SMARCE1: variants seen among roughly 807,000 people sequenced by gnomAD.
SMARCE1 encodes SWI/SNF-related matrix-associated actin-dependent regulator of chromatin subfamily E member 1.
SMARCE1 carries 13 observed loss-of-function variants against 54.9 expected under a neutral mutation model. The observed-to-expected ratio is 0.24, with a 90% CI of 0.15 to 0.38. SMARCE1 has a LOEUF of 0.38. SMARCE1 is among the 10% of genes least tolerant of loss of function. The pLI, the probability that SMARCE1 is intolerant of heterozygous loss-of-function variation, is 1.00. For synonymous variants in SMARCE1, 151 were observed against 175.3 expected, an observed-to-expected ratio of 0.86 and a Z score of 1.10; for missense variants, 295 against 523.8, an observed-to-expected ratio of 0.56 and a Z score of 4.26.
rs889948671 is a variant in SMARCE1, at chr17:40,637,656, A to C, written c.157-84T>G. On this transcript the variant is annotated intron_variant, in intron 4 of 10. Coordinates refer to ENST00000348513, the MANE Select transcript of SMARCE1 (RefSeq NM_003079.5). ...AAAGAGAGTCCCTTAAAAAATTCTA[A>C]TGCGCCTTTCTTCTATTCGTCCAAA... is the stretch of plus-strand genomic sequence containing the variant. 4.2e-5 allele frequency: 42 copies of C among 1,003,726 alleles called. No homozygotes were observed. In the African/African-American group the frequency reaches 6.1e-4, roughly 15 times the overall value. The allele number at this position is 1,003,726 out of a possible 1,614,324, so 62.2% of individuals were successfully genotyped here.
rs1009490092 is a variant in SMARCE1, at chr17:40,632,031, T to G, written c.714+164A>C. 8 of 587,842 alleles carry G rather than the reference T, an allele frequency of 1.4e-5. No homozygotes were observed. In the African/African-American group the frequency reaches 1.5e-4, roughly 11 times the overall value. The allele number at this position is 587,842 out of a possible 1,614,324, so 36.4% of individuals were successfully genotyped here. On this transcript the variant is annotated intron_variant, in intron 8 of 10. Coordinates refer to ENST00000348513, the MANE Select transcript of SMARCE1 (RefSeq NM_003079.5). Reference sequence around the variant, plus strand: ...ATTATAGTTTTTAATGACAAACTTATTAAACATCTGGGAAAGGTCCACTTC... The same window carrying G: ...ATTATAGTTTTTAATGACAAACTTAGTAAACATCTGGGAAAGGTCCACTTC...
At chr17:40,647,490 T>G (rs2037272025) in intron 1 of SMARCE1, 1 of 152,436 alleles carries the variant, frequency 6.6e-6, no homozygotes, top group African/African-American at 2.4e-5. Flanking sequence ...GCTCTCTTTG[T>G]CTTGGAGAAT....
rs1567849015 is a variant in SMARCE1 at position 40,642,801 on chromosome 17, T to C, written c.52-242A>G. On this transcript the variant is annotated intron_variant, in intron 3 of 10. Coordinates refer to ENST00000348513, the MANE Select transcript of SMARCE1 (RefSeq NM_003079.5). The surrounding 1 kb of genome is among the most constrained non-coding windows in gnomAD (Gnocchi z 4.6). ...TCTTTTTTGCAGGGGCTGGGGGTGT[T>C]TGTGTGACTGTGAATGTGTGTTTTG... 16 of 480,380 alleles carry C rather than the reference T, an allele frequency of 3.3e-5. No individual in the cohort carries two copies. In the South Asian group the frequency reaches 4.8e-4, roughly 14 times the overall value. The allele number at this position is 480,380 out of a possible 1,614,324, so 29.8% of individuals were successfully genotyped here.
chr17:40,637,632 AAG>A, intron 4 of SMARCE1, 60 bp from the exon 5 acceptor site: 2 of 1,338,520 alleles, frequency 1.5e-6, no homozygotes, highest in Non-Finnish European at 2.1e-6. Context: ...GCAAACTGAA[AAG>A]AGAGTCCCTT....
intron 7 of SMARCE1, chr17:40,634,905 C>A (rs1439628329): frequency 6.6e-6 from 1 of 152,136 alleles, no homozygotes; most frequent in Non-Finnish European, 1.5e-5. Flanking sequence ...GTCTTTAGCA[C>A]TGCTGATTCT....
chr17:40,629,405 T>C lies in SMARCE1; in HGVS notation c.1028-412A>G, dbSNP rs566560456. Reference sequence around the variant, plus strand: ...TGCTTAACTTTTAAAAATATGTCACTAGTAGAAAATATAAAATTTCACGTG... The same window carrying C: ...TGCTTAACTTTTAAAAATATGTCACCAGTAGAAAATATAAAATTTCACGTG... On this transcript the variant is annotated intron_variant, in intron 10 of 10. Transcript: ENST00000348513. 45 of 518,086 alleles carry C rather than the reference T, an allele frequency of 8.7e-5. No homozygotes were observed. The Admixed American group carries it at 1.4e-3, about 16-fold the overall frequency. 32.1% of individuals were successfully genotyped at this position (518,086 alleles called of 1,614,324 possible).
intron 7 of SMARCE1, 92 bp from the exon 8 acceptor site, chr17:40,632,459 G>T: frequency 9.3e-7 from 1 of 1,071,552 alleles, no homozygotes. Context: ...ACGAACTATG[G>T]CCCTCACTGG....
At chr17:40,629,303 A>T (rs941091472) in intron 10 of SMARCE1, 49 of 404,366 alleles carry the variant, frequency 1.2e-4, no homozygotes, top group African/African-American at 9.2e-4. Context: ...TGATTTTAAA[A>T]ATGTTCCTTC....
intron 9 of SMARCE1, 124 bp downstream of exon 9, chr17:40,631,468 A>T: frequency 1.7e-6 from 1 of 600,162 alleles, no homozygotes; most frequent in Non-Finnish European, 2.9e-6. Context: ...CAGGTTTATA[A>T]TAAAGTTAGC....
intron 10 of SMARCE1, chr17:40,629,271 G>A (rs2037066977): frequency 2.4e-6 from 1 of 410,460 alleles, no homozygotes; most frequent in African/African-American, 2.0e-5. Context: ...TGTGTATAAA[G>A]ACTGTTTAAA....
At position 40,636,459 on chromosome 17, in the gene SMARCE1, C is replaced by G; in HGVS notation, c.305G>C (p.Gly102Ala). 6.2e-7 allele frequency: 1 copy of G among 1,612,148 alleles called. No individual in the cohort carries two copies. Among genetic ancestry groups the G allele is most frequent in the South Asian group, 1.1e-5 (1 of 90,998 alleles). The change falls in exon 6 of 11, where the codon GGC becomes GCC. Residue 102 changes from glycine to alanine, a missense_variant. By Grantham distance (60) the Gly-to-Ala change is moderately conservative (BLOSUM62 0). Coordinates refer to ENST00000348513, the MANE Select transcript of SMARCE1 (RefSeq NM_003079.5). ...KLWEIGKIIG[G>A]MWRDLTDEEK... is the part of the protein sequence containing the mutation. ...TTCATCAGTGAGATCTCGCCACATG[C>G]CACCAATAATCTTGCCAATCTCCCA...
In SMARCE1 at chr17:40,628,936, G is replaced by C; in HGVS notation, c.1085C>G (p.Ser362Cys). 1 of 1,613,814 alleles carries C rather than the reference G, an allele frequency of 6.2e-7. No homozygotes were observed. The highest frequency in any genetic ancestry group is 8.5e-7 in the Non-Finnish European group (1 of 1,179,828). ...ESQQNGEEGT[S>C]TPEDKESGQE... ...CCCACTCTCCTTGTCCTCAGGAGTA[G>C]ACGTGCCTTCTTCACCATTCTGTTG... Residue 362 changes from serine to cysteine, a missense_variant, in exon 11 of 11, where the codon TCT becomes TGT. Transcript: ENST00000348513.
Position 40,637,572 on chromosome 17 carries a change from C to T in SMARCE1, c.157G>A (p.Ala53Thr). ...GNPGTNSRVT[A>T]SSGITIPKPP... ...TTTGGAATCGTGATACCAGAGGATG[C>T]CTACGAAAGAGTTAAATACATTCAT... The change falls in exon 5 of 11, where the codon GCA (alanine) becomes ACA (threonine). Residue 53 changes from alanine (A) to threonine (T), a missense_variant and splice_region_variant. Physicochemically the swap from Ala to Thr is moderately conservative, Grantham distance 58. Coordinates refer to ENST00000348513, the MANE Select transcript of SMARCE1 (RefSeq NM_003079.5). The T allele has an allele frequency of 6.2e-7, 1 of 1,611,946 alleles. No homozygotes were observed. The highest frequency in any genetic ancestry group is 8.5e-7 in the Non-Finnish European group (1 of 1,178,262).
chr17:40,630,719 T>C lies in SMARCE1; in HGVS notation c.1022A>G (p.Glu341Gly). 6.2e-7 allele frequency: 1 copy of C among 1,613,848 alleles called. No individual in the cohort carries two copies. Reference sequence around the variant, plus strand: ...GTTTGTTGCTAGTGGGTTACCTGTCTCCATCGGAATGTTCTCGTCGTCTTT... The same window carrying C: ...GTTTGTTGCTAGTGGGTTACCTGTCCCCATCGGAATGTTCTCGTCGTCTTT... ...EKKDDENIPM[E>G]TEETHLEETT... Residue 341 changes from glutamate to glycine, a missense_variant, in exon 10 of 11, where the codon GAG becomes GGG. Glu to Gly is a moderately conservative substitution (Grantham distance 98). Transcript: ENST00000348513.
Position 40,642,704 on chromosome 17 carries a change from C to T in SMARCE1, c.52-145G>A. The T allele has an allele frequency of 1.7e-6, 1 of 581,322 alleles. No individual in the cohort carries two copies. Among genetic ancestry groups the T allele is most frequent in the Non-Finnish European group, 3.0e-6 (1 of 330,174 alleles). 36.0% of individuals were successfully genotyped at this position (581,322 alleles called of 1,614,324 possible). A position where few individuals can be genotyped will look rare whatever the true frequency, so the allele number is the denominator to read the frequency against. On this transcript the variant is annotated intron_variant, in intron 3 of 10. Transcript: ENST00000348513. The surrounding 1 kb of genome is among the most constrained non-coding windows in gnomAD (Gnocchi z 4.6). ...GATGTGTTGTAATTGTTCTTTTTTT[C>T]CACTGAGGAAATTAAATATTTTTCT...
At chr17:40,634,776 G>A in intron 7 of SMARCE1, 1 of 152,092 alleles carries the variant, frequency 6.6e-6, no homozygotes, top group East Asian at 1.9e-4. Context: ...GTTTCCTCTT[G>A]TACTGACCTC....
chr17:40,641,444 A>G (rs998776737), intron 4 of SMARCE1: 1 of 152,218 alleles, frequency 6.6e-6, no homozygotes, highest in Non-Finnish European at 1.5e-5. Context: ...GCTTATCAAG[A>G]TAGACATTCA....
At chr17:40,629,690 G>A (rs1206337123) in intron 10 of SMARCE1, 9 of 406,720 alleles carry the variant, frequency 2.2e-5, no homozygotes, top group Admixed American at 8.8e-5. Flanking sequence ...CATAAGACAT[G>A]CCCCATTCAT....
chr17:40,635,713 A>G, intron 7 of SMARCE1: 1 of 356,808 alleles, frequency 2.8e-6, no homozygotes, highest in Non-Finnish European at 5.0e-6. Context: ...ATAAACAATC[A>G]ATAATTTTTG....
Sources: allele counts gnomAD v4.1 joint callset, GRCh38; gene constraint gnomAD v4.1.1; non-coding constraint Gnocchi (gnomAD v3.1); transcripts MANE v1.5; gene names NCBI Gene and HGNC (gene_info 2026-07-23, HGNC 2026-07-21).